The following NSD1 variants were observed in gnomAD, a reference collection of about 807,000 sequenced individuals.
The protein encoded by NSD1 is histone-lysine N-methyltransferase, H3 lysine-36 specific.
In NSD1, 26 loss-of-function variants were observed where a neutral mutation model predicts 242.7. That is an observed-to-expected ratio of 0.11 (90% CI 0.08 to 0.15). NSD1 has a LOEUF of 0.15. Ranked by LOEUF, NSD1 falls within the 10% of genes least tolerant of loss-of-function variation. The pLI, the probability that NSD1 is intolerant of heterozygous loss-of-function variation, is 1.00. For synonymous variants in NSD1, 1,106 were observed against 1,178.1 expected (o/e 0.94, Z 1.25); for missense variants, 2,495 against 3,272.8 (o/e 0.76, Z 5.80).
At position 177,294,617 on chromosome 5, in the gene NSD1, A is replaced by G. The variant is rs895272851; in HGVS notation, c.7249A>G (p.Arg2417Gly). ...TDKPHASLSQ[R>G]LPPPEKVLSA... is the part of the protein sequence containing the mutation. ...CAAACCCCATGCCTCTTTGTCCCAG[A>G]GACTCCCACCTCCTGAGAAAGTACT... Residue 2417 changes from arginine to glycine, a missense_variant, in exon 23 of 23, where the codon AGA becomes GGA. Transcript: ENST00000439151. The G allele has an allele frequency of 1.2e-6, 2 of 1,614,112 alleles. No individual in the cohort carries two copies. The highest frequency in any genetic ancestry group is 2.7e-5 in the African/African-American group (2 of 74,936).
chr5:177,142,666 G>C (rs997138385), intron 2 of NSD1, among the ~76,000 whole-genome samples: 4 of 152,148 alleles, frequency 2.6e-5, no homozygotes, highest in African/African-American at 9.7e-5. Flanking sequence ...AAATTTTACA[G>C]ATGCCCTCAG....
intron 2 of NSD1, among the ~76,000 whole-genome samples, chr5:177,145,309 C>T (rs1469925630): frequency 6.4e-5 from 9 of 141,362 alleles, no homozygotes; most frequent in Non-Finnish European, 1.2e-4. Flanking sequence ...GACAGTGTCT[C>T]GCTCTGTTGC....
chr5:177,288,729 T>C, intron 20 of NSD1, 90 bp from the exon 21 acceptor site: 2 of 913,872 alleles, frequency 2.2e-6, no homozygotes, highest in South Asian at 2.6e-5. Flanking sequence ...AATTAATCTG[T>C]TCTCTTGGGA....
chr5:177,132,290 G>A (rs983231467), upstream of NSD1, among the ~76,000 whole-genome samples: 1 of 151,608 alleles, frequency 6.6e-6, no homozygotes, highest in Non-Finnish European at 1.5e-5. The surrounding 1 kb of genome is among the most constrained non-coding windows in gnomAD (Gnocchi z 7.5). Context: ...TCTGGGCGGC[G>A]GTGGCACGAG....
chr5:177,221,611 CAGGCATGCGCCA>C (rs2149865045), intron 5 of NSD1, among the ~76,000 whole-genome samples: 1 of 151,232 alleles, frequency 6.6e-6, no homozygotes, highest in African/African-American at 2.4e-5. Context: ...GATTAGATTA[CAGGCATGCGCCA>C]CCATGCCTGG....
intron 2 of NSD1, among the ~76,000 whole-genome samples, chr5:177,181,505 A>G (rs1265596306): frequency 7.4e-6 from 1 of 135,816 alleles, no homozygotes; most frequent in African/African-American, 2.9e-5. Flanking sequence ...ATCTCACTGC[A>G]ACCTCCAACT....
rs76608399 is a variant in NSD1, at chr5:177,256,112, T to C, written c.4766-839T>C. Among the ~76,000 whole-genome samples, 605 of 152,200 alleles carry C rather than the reference T, an allele frequency of 4.0e-3. 7 individuals are homozygous for C. Among genetic ancestry groups the C allele is most frequent in the African/African-American group, 0.014 (575 of 41,526 alleles). On this transcript the variant is annotated intron_variant, in intron 12 of 22. Transcript: ENST00000439151. ...CATTTGTCTCAGGGATGTCTTTTTA[T>C]TATGTTTTGAATCAAGATCTAGATC... is the stretch of plus-strand genomic sequence containing the variant.
chr5:177,290,082 C>T (rs1404324510), intron 21 of NSD1, among the ~76,000 whole-genome samples: 2 of 151,612 alleles, frequency 1.3e-5, no homozygotes, highest in Non-Finnish European at 2.9e-5. Context: ...CCCGCCTTAG[C>T]CTCCCAAAGT....
chr5:177,267,353 C>G (rs1757575033), intron 14 of NSD1, among the ~76,000 whole-genome samples: 1 of 152,102 alleles, frequency 6.6e-6, no homozygotes, highest in Non-Finnish European at 1.5e-5. Flanking sequence ...GGCCTGTGGT[C>G]CTAGAGCTAG....
At chr5:177,148,542 A>G (rs1378952155) in intron 2 of NSD1, among the ~76,000 whole-genome samples, 1 of 152,080 alleles carries the variant, frequency 6.6e-6, no homozygotes, top group Non-Finnish European at 1.5e-5. Flanking sequence ...ATCCCGCCTC[A>G]GGCTCCTGAG....
chr5:177,223,081 CT>C (rs559743026), intron 5 of NSD1, among the ~76,000 whole-genome samples: 167 of 136,414 alleles, frequency 1.2e-3, no homozygotes, highest in Middle Eastern at 3.8e-3. Flanking sequence ...TTTTCTTTTT[CT>C]TTTTTTTTTT....
At position 177,260,284 on chromosome 5, in the gene NSD1, C is replaced by G. The variant is rs564125720; in HGVS notation, c.5146+116C>G. 3.1e-5 allele frequency: 26 copies of G among 852,222 alleles called. No individual in the cohort carries two copies. In the South Asian group the frequency reaches 3.7e-4, roughly 12 times the overall value. The allele number at this position is 852,222 out of a possible 1,614,324, so 52.8% of individuals were successfully genotyped here. A position where few individuals can be genotyped will look rare whatever the true frequency, so the allele number is the denominator to read the frequency against. On this transcript the variant is annotated intron_variant, in intron 14 of 22. Coordinates refer to ENST00000439151, the MANE Select transcript of NSD1 (RefSeq NM_022455.5). ...ACTGGAAAAAATATTAGAAATGATA[C>G]TATTCATCTGCCATTCAGGAAATGA...
rs1226489462 is a variant in NSD1 at position 177,294,970 on chromosome 5, C to A, written c.7602C>A (p.Thr2534=). 3 of 1,614,238 alleles carry A rather than the reference C, an allele frequency of 1.9e-6. No homozygotes were observed. In the Admixed American group the frequency reaches 5.0e-5, roughly 27 times the overall value. Residue 2534 remains threonine, a synonymous_variant, in exon 23 of 23, where the codon ACC becomes ACA. Transcript: ENST00000439151. ...EDPWQAVKSL[T]QARLLSQPPA... is the part of the protein sequence containing the mutation. Reference sequence around the variant, plus strand: ...CCTGGCAAGCTGTTAAATCACTCACCCAGGCCAGACTTCTTTCTCAGCCTC... The same window carrying A: ...CCTGGCAAGCTGTTAAATCACTCACACAGGCCAGACTTCTTTCTCAGCCTC...
chr5:177,182,296 A>C (rs1760756802), intron 2 of NSD1, among the ~76,000 whole-genome samples: 1 of 152,172 alleles, frequency 6.6e-6, no homozygotes, highest in Admixed American at 6.6e-5. Flanking sequence ...CAGCTTGGGC[A>C]ACAGTTGAGT....
Position 177,269,937 on chromosome 5 carries a change from A to G in NSD1, c.5509+130A>G, listed in dbSNP as rs1177198370. 8 of 734,904 alleles carry G rather than the reference A, an allele frequency of 1.1e-5. No homozygotes were observed. The highest frequency in any genetic ancestry group is 1.8e-5 in the Non-Finnish European group (8 of 453,356). The allele number at this position is 734,904 out of a possible 1,614,324, so 45.5% of individuals were successfully genotyped here. A position where few individuals can be genotyped will look rare whatever the true frequency, so the allele number is the denominator to read the frequency against. On this transcript the variant is annotated intron_variant, in intron 16 of 22. Coordinates refer to ENST00000439151, the MANE Select transcript of NSD1 (RefSeq NM_022455.5). The surrounding 1 kb of genome is among the most constrained non-coding windows in gnomAD (Gnocchi z 5.1). ...CCTCTCAGGGCATTATCTGGCTGCA[A>G]ATACAGTATTTTGCAAGGAAGTTGA...
intron 2 of NSD1, among the ~76,000 whole-genome samples, chr5:177,162,916 C>T (rs894515387): frequency 3.3e-5 from 5 of 151,384 alleles, no homozygotes; most frequent in Non-Finnish European, 7.4e-5. Flanking sequence ...CTACCTGCCT[C>T]GGCCTCCCAA....
At chr5:177,143,714 C>T (rs1054383124) in intron 2 of NSD1, among the ~76,000 whole-genome samples, 4 of 152,014 alleles carry the variant, frequency 2.6e-5, no homozygotes, top group East Asian at 1.9e-4. Flanking sequence ...CTCTAAGGCC[C>T]ATTTCCTCAG....
intron 3 of NSD1, among the ~76,000 whole-genome samples, chr5:177,197,773 A>C (rs146944972): frequency 2.2e-3 from 336 of 152,312 alleles, no homozygotes; most frequent in Non-Finnish European, 4.1e-3. Context: ...CTGTAGTTTA[A>C]GGACGATGTG....
Position 177,212,183 on chromosome 5 carries a change from C to T in NSD1, c.3784C>T (p.Leu1262Phe), listed in dbSNP as rs2149849700. The change falls in exon 5 of 23, where the codon CTC becomes TTC. Residue 1262 changes from leucine to phenylalanine, a missense_variant. Leu to Phe is a conservative substitution (Grantham distance 22, BLOSUM62 0). This residue lies in a region of NSD1 where 426 missense variants were observed against 411.4 expected (regional missense o/e 1.04). Coordinates refer to ENST00000439151, the MANE Select transcript of NSD1 (RefSeq NM_022455.5). ...TCCCAGTTTGACACCACAGGCTGAG[C>T]TCCCTGAACCAGGTAAGGACATCTA... The part of the protein sequence containing the change: ...GIPSLTPQAE[L>F]PEPAVRSEKK... 1 of 1,613,602 alleles carries T rather than the reference C, an allele frequency of 6.2e-7. No homozygotes were observed. The highest frequency in any genetic ancestry group is 8.5e-7 in the Non-Finnish European group (1 of 1,179,958).
Sources: gnomAD v4.1 joint callset for allele counts (sites outside exome capture counted in the v4.1 genomes callset) on GRCh38, gnomAD v4.1.1 for gene constraint, gnomAD v4.1.1 regional missense constraint, Gnocchi (gnomAD v3.1) non-coding constraint, MANE v1.5 for transcripts, NCBI Gene and HGNC (gene_info 2026-07-23, HGNC 2026-07-21) for gene names.